Variants in PTPRD observed in about 807,000 individuals in gnomAD.
PTPRD encodes receptor-type tyrosine-protein phosphatase delta.
A neutral mutation model predicts 214.5 loss-of-function variants in PTPRD; 34 were observed. That is an observed-to-expected ratio of 0.16 (90% CI 0.12 to 0.21). PTPRD has a LOEUF of 0.21. PTPRD is among the 10% of genes least tolerant of loss of function. The pLI, the probability that PTPRD is intolerant of heterozygous loss-of-function variation, is 1.00. For missense variants in PTPRD, 2,545 were observed against 2,398.7 expected, an observed-to-expected ratio of 1.06 and a Z score of -1.27; for synonymous variants, 1,128 against 845.7, an observed-to-expected ratio of 1.33 and a Z score of -5.79.
At chr9:9,528,902 G>T (rs1434398456) in intron 8 of PTPRD, among the ~76,000 whole-genome samples, 3 of 149,366 alleles carry the variant, frequency 2.0e-5, no homozygotes, top group Non-Finnish European at 4.4e-5. Context: ...AAAAATATGT[G>T]TCCTTGAATT....
rs537995910 is a variant in PTPRD, at chr9:10,345,332, A to G, written c.-599-4315T>C. 1.7e-3 allele frequency among the ~76,000 whole-genome samples: 264 copies of G among 152,210 alleles called. 2 individuals carry two copies. The highest frequency in any genetic ancestry group is 6.1e-3 in the African/African-American group (252 of 41,528). On this transcript the variant is annotated intron_variant, in intron 2 of 45. Coordinates refer to ENST00000381196, the MANE Select transcript of PTPRD (RefSeq NM_002839.4). Reference sequence around the variant, plus strand: ...GGGATATATGGCAGGTTTGTTACATAGGTATACACATGCCATCGTGGTTTG... The same window carrying G: ...GGGATATATGGCAGGTTTGTTACATGGGTATACACATGCCATCGTGGTTTG...
At chr9:10,488,382 A>T (rs1462469051) in intron 2 of PTPRD, among the ~76,000 whole-genome samples, 2 of 151,190 alleles carry the variant, frequency 1.3e-5, no homozygotes, top group African/African-American at 4.9e-5. Flanking sequence ...AAAAAAAAAA[A>T]AAAAAGACTG....
chr9:8,519,301 G>A (rs1186655789), intron 20 of PTPRD, among the ~76,000 whole-genome samples: 1 of 152,090 alleles, frequency 6.6e-6, no homozygotes, highest in African/African-American at 2.4e-5. Flanking sequence ...CTTTTTAGAG[G>A]TCTAATTCTT....
chr9:10,397,764 A>G (rs928362039), intron 2 of PTPRD, among the ~76,000 whole-genome samples: 3 of 151,974 alleles, frequency 2.0e-5, no homozygotes, highest in Admixed American at 2.0e-4. Context: ...GTGGGAAGAA[A>G]AGGGGTATTT....
At chr9:9,484,283 T>C (rs2095537339) in intron 8 of PTPRD, among the ~76,000 whole-genome samples, 1 of 152,082 alleles carries the variant, frequency 6.6e-6, no homozygotes, top group East Asian at 1.9e-4. Context: ...TCATTTTGAA[T>C]GAGAGATGCC....
chr9:8,433,393 C>T (rs572991155), intron 35 of PTPRD, among the ~76,000 whole-genome samples: 1 of 152,324 alleles, frequency 6.6e-6, no homozygotes, highest in South Asian at 2.1e-4. Context: ...TTAAAATGCA[C>T]TCCTTTTATT....
At chr9:9,496,020 C>T (rs72706508) in intron 8 of PTPRD, among the ~76,000 whole-genome samples, 4,579 of 152,248 alleles carry the variant, frequency 0.03, 96 homozygotes, top group Middle Eastern at 0.068. Context: ...CTGGATCCTA[C>T]ACTTGCTCAC....
At chr9:8,417,682 C>T (rs1382093216) in intron 35 of PTPRD, among the ~76,000 whole-genome samples, 1 of 152,094 alleles carries the variant, frequency 6.6e-6, no homozygotes, top group Admixed American at 6.6e-5. Context: ...ATCACCTTTT[C>T]AAGTATTCTA....
intron 4 of PTPRD, among the ~76,000 whole-genome samples, chr9:10,008,622 A>T (rs34305176): frequency 1.3e-5 from 2 of 151,694 alleles, no homozygotes; most frequent in African/African-American, 4.8e-5. Flanking sequence ...CATTCAGCAT[A>T]AATTCCTGTC....
rs571383722 is a variant in PTPRD at position 9,291,971 on chromosome 9, T to G, written c.-203+105478A>C. Among the ~76,000 whole-genome samples, 730 of 151,262 alleles carry G rather than the reference T, an allele frequency of 4.8e-3. 4 individuals are homozygous for G. The highest frequency in any genetic ancestry group is 0.017 in the African/African-American group (698 of 41,438). ...TAAATTCATTTAACCTAATTTATGC[T>G]TTGCAATTACTTACTACTTATATAG... On this transcript the variant is annotated intron_variant, in intron 9 of 45. Coordinates refer to ENST00000381196, the MANE Select transcript of PTPRD (RefSeq NM_002839.4).
chr9:10,370,318 GCTTTA>G (rs1249402481), intron 2 of PTPRD, among the ~76,000 whole-genome samples: 1 of 152,062 alleles, frequency 6.6e-6, no homozygotes, highest in Non-Finnish European at 1.5e-5. Context: ...ACTTAACTGT[GCTTTA>G]CTAAAATTTT....
At chr9:9,642,159 G>T (rs1208790671) in intron 7 of PTPRD, among the ~76,000 whole-genome samples, 3 of 144,712 alleles carry the variant, frequency 2.1e-5, no homozygotes, top group Non-Finnish European at 3.0e-5. Flanking sequence ...GTAAACTATC[G>T]CAAGAACAAA....
intron 5 of PTPRD, among the ~76,000 whole-genome samples, chr9:9,816,604 T>C (rs554481931): frequency 6.6e-6 from 1 of 152,062 alleles, no homozygotes; most frequent in Non-Finnish European, 1.5e-5. Flanking sequence ...TAAAGTAATA[T>C]TTTCCCCTCA....
chr9:9,901,133 C>G (rs2076299738), intron 5 of PTPRD, among the ~76,000 whole-genome samples: 1 of 152,118 alleles, frequency 6.6e-6, no homozygotes, highest in African/African-American at 2.4e-5. Flanking sequence ...CTGTGTATAA[C>G]ACGGCGAGAC....
intron 5 of PTPRD, among the ~76,000 whole-genome samples, chr9:9,929,544 C>T (rs1284923036): frequency 6.6e-6 from 1 of 152,150 alleles, no homozygotes; most frequent in African/African-American, 2.4e-5. Context: ...CAGGCATGTG[C>T]CACCATGCCC....
intron 2 of PTPRD, among the ~76,000 whole-genome samples, chr9:10,442,469 A>G (rs1404481323): frequency 6.6e-6 from 1 of 151,624 alleles, no homozygotes; most frequent in Non-Finnish European, 1.5e-5. Context: ...ATGTGGAGGC[A>G]TAGAGAAGGG....
chr9:10,220,898 C>T (rs1024844639), intron 3 of PTPRD, among the ~76,000 whole-genome samples: 6 of 150,804 alleles, frequency 4.0e-5, no homozygotes, highest in African/African-American at 1.5e-4. Context: ...AGAGAGAAAG[C>T]TAAAGGGCAC....
intron 12 of PTPRD, among the ~76,000 whole-genome samples, chr9:8,681,781 T>C (rs1370925935): frequency 6.6e-6 from 1 of 152,222 alleles, no homozygotes; most frequent in Non-Finnish European, 1.5e-5. Flanking sequence ...ACTGTCATTA[T>C]TGTTTCTAGC....
At chr9:8,727,319 C>G (rs2098595929) in intron 12 of PTPRD, among the ~76,000 whole-genome samples, 1 of 152,222 alleles carries the variant, frequency 6.6e-6, no homozygotes, top group Non-Finnish European at 1.5e-5. Context: ...AGCTACAGCT[C>G]TGCTGGGAGC....
Sources: allele counts gnomAD v4.1 joint callset (sites outside exome capture counted in the v4.1 genomes callset), GRCh38; gene constraint gnomAD v4.1.1; transcripts MANE v1.5; gene names NCBI Gene and HGNC (gene_info 2026-07-23, HGNC 2026-07-21).